ABCC9: variants seen among roughly 807,000 people sequenced by gnomAD.
ABCC9 encodes the protein ATP-binding cassette sub-family C member 9.
In ABCC9, 95 loss-of-function variants were observed where a neutral mutation model predicts 188.3. That is an observed-to-expected ratio of 0.50 (90% CI 0.43 to 0.60). The LOEUF (loss-of-function observed/expected upper bound fraction) is 0.60, where lower values mean the gene tolerates loss of function less well. Ranked by LOEUF, ABCC9 falls within the 20% of genes least tolerant of loss-of-function variation. The pLI is 0.00. For missense variants in ABCC9, 1,102 were observed against 1,876.3 expected (o/e 0.59, Z 7.62); for synonymous variants, 659 against 652.7 (o/e 1.01, Z -0.15).
intron 16 of ABCC9, among the ~76,000 whole-genome samples, chr12:21,880,421 G>A (rs1946565555): frequency 6.6e-6 from 1 of 152,048 alleles, no homozygotes; most frequent in Non-Finnish European, 1.5e-5. Context: ...AAGAACTTCT[G>A]TTCAATGAAA....
chr12:21,820,250 T>TA (rs934645297), intron 31 of ABCC9, among the ~76,000 whole-genome samples: 4 of 151,578 alleles, frequency 2.6e-5, no homozygotes, highest in Non-Finnish European at 5.9e-5. Context: ...GGCTTGACAT[T>TA]AAAAAAAATA....
At chr12:21,861,434 G>A (rs1381972155) in intron 20 of ABCC9, among the ~76,000 whole-genome samples, 1 of 152,012 alleles carries the variant, frequency 6.6e-6, no homozygotes, top group Non-Finnish European at 1.5e-5. Flanking sequence ...GTTTCACCAT[G>A]TTGCCCAGGG....
chr12:21,855,477 C>G (rs936553140), intron 22 of ABCC9, among the ~76,000 whole-genome samples: 170 of 152,292 alleles, frequency 1.1e-3, no homozygotes, highest in African/African-American at 3.8e-3. Flanking sequence ...CTGCCTCAGC[C>G]TCCCAAAGTG....
At chr12:21,925,641 C>A in intron 5 of ABCC9, 1 of 646,022 alleles carries the variant, frequency 1.5e-6, no homozygotes. Context: ...ACAACTTCTG[C>A]AAGCCAGAAG....
intron 39 of ABCC9, among the ~76,000 whole-genome samples, chr12:21,804,155 A>G (rs534659005): frequency 3.3e-5 from 5 of 152,304 alleles, no homozygotes; most frequent in Non-Finnish European, 5.9e-5. Context: ...GGCCACGTTC[A>G]CATGAGTGGT....
chr12:21,809,910 C>T lies in ABCC9; in HGVS notation c.4257G>A (p.Trp1419Ter). Residue 1419 changes from tryptophan to a stop codon, truncating the protein, a stop_gained, in exon 37 of 40, where the codon TGG becomes TGA. Transcript: ENST00000261200. LOFTEE classifies it high-confidence loss of function. ...PECKCTDDRL[W>*]EALEIAQLKN... Reference sequence around the variant, plus strand: ...TCAGCTGAGCAATTTCTAAGGCTTCCCAGAGTCTGTCATCTGTGCATTTGC... The same window carrying T: ...TCAGCTGAGCAATTTCTAAGGCTTCTCAGAGTCTGTCATCTGTGCATTTGC... The T allele has an allele frequency of 6.2e-7, 1 of 1,612,622 alleles. No homozygotes were observed. Among genetic ancestry groups the T allele is most frequent in the Non-Finnish European group, 8.5e-7 (1 of 1,179,444 alleles).
intron 35 of ABCC9, among the ~76,000 whole-genome samples, chr12:21,813,860 G>A (rs1368311029): frequency 6.6e-6 from 1 of 151,622 alleles, no homozygotes; most frequent in Non-Finnish European, 1.5e-5. Flanking sequence ...AAACTGTCAA[G>A]TACAATAAAC....
At chr12:21,905,149 T>C (rs1947973930) in intron 12 of ABCC9, among the ~76,000 whole-genome samples, 1 of 152,160 alleles carries the variant, frequency 6.6e-6, no homozygotes, top group Admixed American at 6.5e-5. Context: ...GAAACCATCA[T>C]TCTCAGCAAA....
chr12:21,814,315 G>A (rs1459788770), intron 35 of ABCC9, among the ~76,000 whole-genome samples: 1 of 152,148 alleles, frequency 6.6e-6, no homozygotes, highest in East Asian at 1.9e-4. Context: ...AGGAAGCAAG[G>A]CAGTTGTCCT....
intron 12 of ABCC9, among the ~76,000 whole-genome samples, chr12:21,905,806 C>T (rs1948013799): frequency 6.6e-6 from 1 of 152,042 alleles, no homozygotes; most frequent in African/African-American, 2.4e-5. Context: ...ATTACAGTTA[C>T]TATTATCACC....
At chr12:21,871,883 A>C (rs1005707571) in intron 18 of ABCC9, among the ~76,000 whole-genome samples, 3 of 152,228 alleles carry the variant, frequency 2.0e-5, no homozygotes, top group African/African-American at 7.2e-5. Flanking sequence ...TTCTTAGATC[A>C]GCTGTAGCCA....
chr12:21,909,777 A>C (rs1228990380), intron 10 of ABCC9, among the ~76,000 whole-genome samples: 1 of 151,986 alleles, frequency 6.6e-6, no homozygotes, highest in Non-Finnish European at 1.5e-5. Flanking sequence ...ACTAACAGTT[A>C]CTGGATGCCC....
chr12:21,851,043 A>G (rs527562217), intron 24 of ABCC9, among the ~76,000 whole-genome samples: 6 of 152,022 alleles, frequency 3.9e-5, no homozygotes, highest in Non-Finnish European at 8.8e-5. Flanking sequence ...CTGACTTTGT[A>G]TCTTCCTCTC....
At chr12:21,889,074 G>A (rs1947018386) in intron 14 of ABCC9, among the ~76,000 whole-genome samples, 1 of 152,076 alleles carries the variant, frequency 6.6e-6, no homozygotes, top group African/African-American at 2.4e-5. Context: ...CTTGTTTTTT[G>A]TGACACAATA....
chr12:21,925,676 T>G, intron 5 of ABCC9: 1 of 627,358 alleles, frequency 1.6e-6, no homozygotes, highest in Non-Finnish European at 2.9e-6. Context: ...CTCCACTTTC[T>G]TCCCCCACCC....
chr12:21,834,899 A>G (rs1344900831), intron 30 of ABCC9, among the ~76,000 whole-genome samples: 1 of 151,728 alleles, frequency 6.6e-6, no homozygotes, highest in Non-Finnish European at 1.5e-5. Flanking sequence ...AGGATAGTTG[A>G]TCTTTACAGG....
chr12:21,915,498 G>GTATA (rs1338146740), intron 7 of ABCC9, among the ~76,000 whole-genome samples, 170 bp downstream of exon 7: 3 of 8,908 alleles, frequency 3.4e-4, no homozygotes, highest in African/African-American at 1.5e-3. Context: ...GTGTGTGTGT[G>GTATA]TGTATATATA....
chr12:21,881,844 C>T (rs542839500), intron 16 of ABCC9, among the ~76,000 whole-genome samples: 2 of 152,262 alleles, frequency 1.3e-5, no homozygotes, highest in Admixed American at 6.5e-5. Flanking sequence ...AACAACCACA[C>T]TAAAATGGCA....
chr12:21,820,748 A>G (rs1419091091), intron 31 of ABCC9, among the ~76,000 whole-genome samples: 2 of 152,088 alleles, frequency 1.3e-5, no homozygotes, highest in Non-Finnish European at 2.9e-5. Flanking sequence ...CCTTCCCATC[A>G]TTTGAGGTTC....
Sources: gnomAD v4.1 joint callset for allele counts (sites outside exome capture counted in the v4.1 genomes callset) on GRCh38, gnomAD v4.1.1 for gene constraint, MANE v1.5 for transcripts, NCBI Gene and HGNC (gene_info 2026-07-23, HGNC 2026-07-21) for gene names.